The following OR2A1 variants were observed in gnomAD, a reference collection of about 807,000 sequenced individuals.
OR2A1 encodes olfactory receptor 2A1/2A42.
For synonymous variants in OR2A1, 2 were observed against 94.7 expected, an observed-to-expected ratio of 0.02 and a Z score of 5.68; for missense variants, 1 against 212.3, an observed-to-expected ratio of 0.00 and a Z score of 6.19.
rs1311974658 is a variant in OR2A1 at position 144,322,495 on chromosome 7, GAGT to G, written c.*3441_*3443del. On this transcript the variant is annotated 3_prime_UTR_variant, in exon 2 of 2. Transcript: ENST00000641044. ...GAAAAATTCTTACATCAAATATGTG[GAGT>G]AGGTACTAATACTATCCTAACATTA... 1 of 150,814 alleles carries G rather than the reference GAGT, an allele frequency of 6.6e-6. No individual in the cohort carries two copies. The highest frequency in any genetic ancestry group is 1.5e-5 in the Non-Finnish European group (1 of 67,752). The allele number at this position is 150,814 out of a possible 1,614,324, so 9.3% of individuals were successfully genotyped here. A position where few individuals can be genotyped will look rare whatever the true frequency, so the allele number is the denominator to read the frequency against.
intron 1 of OR2A1, among the ~76,000 whole-genome samples, chr7:144,316,249 T>C (rs1441855335): frequency 6.8e-6 from 1 of 146,516 alleles, no homozygotes; most frequent in Non-Finnish European, 1.5e-5. Context: ...TGCTTATAAG[T>C]ATACAATCAT....
In OR2A1 at chr7:144,322,561, T is replaced by A. The variant is rs1250190815; in HGVS notation, c.*3504T>A. 1.3e-5 allele frequency: 2 copies of A among 150,608 alleles called. No individual in the cohort carries two copies. Among genetic ancestry groups the A allele is most frequent in the Non-Finnish European group, 3.0e-5 (2 of 67,730 alleles). 9.3% of individuals were successfully genotyped at this position (150,608 alleles called of 1,614,324 possible). The stretch of plus-strand genomic sequence containing the variant: ...TAAAGTTTAGTGTAATTAATTAATT[T>A]ATTCAAGGTCGCCAAATCATTCAGT... On this transcript the variant is annotated 3_prime_UTR_variant, in exon 2 of 2. Transcript: ENST00000641044.
intron 1 of OR2A1, among the ~76,000 whole-genome samples, chr7:144,316,181 C>T (rs1173828610): frequency 6.7e-6 from 1 of 150,214 alleles, no homozygotes; most frequent in Non-Finnish European, 1.5e-5. Flanking sequence ...TATGAAGTTA[C>T]AATATTCACT....
At chr7:144,316,210 G>A (rs1203803247) in intron 1 of OR2A1, among the ~76,000 whole-genome samples, 1 of 148,714 alleles carries the variant, frequency 6.7e-6, no homozygotes, top group Non-Finnish European at 1.5e-5. Flanking sequence ...TTTGTGTCTT[G>A]CTGATAATAA....
At chr7:144,315,906 G>C (rs1469370688) in intron 1 of OR2A1, among the ~76,000 whole-genome samples, 1 of 86,322 alleles carries the variant, frequency 1.2e-5, no homozygotes, top group East Asian at 4.8e-4. Flanking sequence ...GGGAGGCTGA[G>C]GGGGAGGATC....
chr7:144,321,570 G>C lies in OR2A1; in HGVS notation c.*2513G>C, dbSNP rs1228301518. 3 of 150,962 alleles carry C rather than the reference G, an allele frequency of 2.0e-5. No homozygotes were observed. Among genetic ancestry groups the C allele is most frequent in the African/African-American group, 5.0e-5 (2 of 40,378 alleles). The allele number at this position is 150,962 out of a possible 1,614,324, so 9.4% of individuals were successfully genotyped here. A position where few individuals can be genotyped will look rare whatever the true frequency, so the allele number is the denominator to read the frequency against. ...TTAAATACACAAGGTGCGTACCGGA[G>C]GCCCTGGTTCTAGTTCCAGATGTAC... On this transcript the variant is annotated 3_prime_UTR_variant, in exon 2 of 2. Transcript: ENST00000641044.
intron 1 of OR2A1, among the ~76,000 whole-genome samples, chr7:144,316,003 AAAAT>A (rs2053072208): frequency 9.3e-6 from 1 of 107,564 alleles, no homozygotes; most frequent in African/African-American, 3.0e-5. Context: ...CCGTCTCAAA[AAAAT>A]AAATAAATAA....
intron 1 of OR2A1, among the ~76,000 whole-genome samples, chr7:144,314,496 G>A (rs1201600340): frequency 2.0e-5 from 2 of 100,322 alleles, no homozygotes; most frequent in African/African-American, 5.8e-5. Context: ...TACTTTTTTT[G>A]TTTCTGTTTT....
chr7:144,321,863 T>C lies in OR2A1; in HGVS notation c.*2806T>C, dbSNP rs1386426332. On this transcript the variant is annotated 3_prime_UTR_variant, in exon 2 of 2. Transcript: ENST00000641044. ...CTTTCTGATCTGGAACCAAAATTGCTCTTTAAACAGGAAGAGCATTGGTGC... is the reference window on the plus strand; with the variant it reads ...CTTTCTGATCTGGAACCAAAATTGCCCTTTAAACAGGAAGAGCATTGGTGC... 4 of 144,844 alleles carry C rather than the reference T, an allele frequency of 2.8e-5. No individual in the cohort carries two copies. The highest frequency in any genetic ancestry group is 6.0e-5 in the Non-Finnish European group (4 of 66,592). The allele number at this position is 144,844 out of a possible 1,614,324, so 9.0% of individuals were successfully genotyped here. A position where few individuals can be genotyped will look rare whatever the true frequency, so the allele number is the denominator to read the frequency against.
At chr7:144,312,989 G>A (rs1258529026) in intron 1 of OR2A1, among the ~76,000 whole-genome samples, 7 of 61,116 alleles carry the variant, frequency 1.1e-4, no homozygotes, top group Admixed American at 2.6e-4. Context: ...GTATAACACA[G>A]ATCATCTCAA....
Position 144,320,629 on chromosome 7 carries a change from G to C in OR2A1, c.*1572G>C, listed in dbSNP as rs2053149467. On this transcript the variant is annotated 3_prime_UTR_variant, in exon 2 of 2. Transcript: ENST00000641044. ...TCCCAGCTAATAAGTACCTAGTCCA[G>C]AATCAAACTTAGGCAATATGACTGC... 1.6e-5 allele frequency: 1 copy of C among 64,214 alleles called. No homozygotes were observed. Among genetic ancestry groups the C allele is most frequent in the Non-Finnish European group, 2.7e-5 (1 of 36,616 alleles). 4.0% of individuals were successfully genotyped at this position (64,214 alleles called of 1,614,324 possible).
rs1054732894 is a variant in OR2A1, at chr7:144,322,547, GTAAT to G, written c.*3500_*3503del. The G allele has an allele frequency of 4.0e-5, 6 of 150,654 alleles. No homozygotes were observed. Among genetic ancestry groups the G allele is most frequent in the Admixed American group, 2.6e-4 (4 of 15,202 alleles). The allele number at this position is 150,654 out of a possible 1,614,324, so 9.3% of individuals were successfully genotyped here. ...TAAAGGGGGGGAAATAAAGTTTAGT[GTAAT>G]TAATTAATTTATTCAAGGTCGCCAA... On this transcript the variant is annotated 3_prime_UTR_variant, in exon 2 of 2. Transcript: ENST00000641044.
At position 144,315,921 on chromosome 7, in the gene OR2A1, G is replaced by C. The variant is rs1180143664; in HGVS notation, c.-4-2200G>C. Among the ~76,000 whole-genome samples the C allele has an allele frequency of 2.3e-5, 2 of 86,620 alleles. 1 individual carries two copies. Among genetic ancestry groups the C allele is most frequent in the Non-Finnish European group, 5.6e-5 (2 of 35,758 alleles). 56.8% of individuals were successfully genotyped at this position (86,620 alleles called of 152,430 possible). A position where few individuals can be genotyped will look rare whatever the true frequency, so the allele number is the denominator to read the frequency against. On this transcript the variant is annotated intron_variant, in intron 1 of 1. Coordinates refer to ENST00000641044, the MANE Select transcript of OR2A1 (RefSeq NM_001005287.2). ...GGGAGGCTGAGGGGGAGGATCGCTT[G>C]AATCTGATATGTCAAAACTACAGTG...
Position 144,322,650 on chromosome 7 carries a change from A to C in OR2A1, c.*3593A>C, listed in dbSNP as rs1423501805. On this transcript the variant is annotated 3_prime_UTR_variant, in exon 2 of 2. Transcript: ENST00000641044. ...AATAAATTCTGAGCCACTCTCTTGC[A>C]GAGGACCTCCTGATATTCATCTCCT... 1.3e-5 allele frequency: 2 copies of C among 150,194 alleles called. No homozygotes were observed. Among genetic ancestry groups the C allele is most frequent in the Non-Finnish European group, 3.0e-5 (2 of 67,636 alleles). 9.3% of individuals were successfully genotyped at this position (150,194 alleles called of 1,614,324 possible).
At chr7:144,315,768 G>A (rs2053067809) in intron 1 of OR2A1, among the ~76,000 whole-genome samples, 1 of 104,350 alleles carries the variant, frequency 9.6e-6, no homozygotes. Flanking sequence ...GCCGAGGTGG[G>A]AGGAGCACTT....
chr7:144,315,867 G>T (rs2053069304), intron 1 of OR2A1, among the ~76,000 whole-genome samples: 1 of 87,280 alleles, frequency 1.1e-5, no homozygotes, highest in Non-Finnish European at 2.8e-5. Flanking sequence ...GCTAGGTATG[G>T]TGGCATGCAC....
intron 1 of OR2A1, among the ~76,000 whole-genome samples, chr7:144,316,266 C>T (rs2053077288): frequency 6.9e-6 from 1 of 145,156 alleles, no homozygotes; most frequent in South Asian, 2.2e-4. Context: ...TCATTTGTTA[C>T]CACTGGAAAA....
At chr7:144,316,302 G>T (rs1176560853) in intron 1 of OR2A1, among the ~76,000 whole-genome samples, 3 of 146,124 alleles carry the variant, frequency 2.1e-5, no homozygotes, top group African/African-American at 7.5e-5. Flanking sequence ...GTTCTTTAGG[G>T]CTCCAATTAG....
chr7:144,315,258 C>A lies in OR2A1; in HGVS notation c.-5+2711C>A. 5.7e-5 allele frequency among the ~76,000 whole-genome samples: 3 copies of A among 52,360 alleles called. 1 individual carries two copies. Among genetic ancestry groups the A allele is most frequent in the Non-Finnish European group, 1.1e-4 (3 of 27,040 alleles). 34.4% of individuals were successfully genotyped at this position (52,360 alleles called of 152,430 possible). A position where few individuals can be genotyped will look rare whatever the true frequency, so the allele number is the denominator to read the frequency against. ...GAGTTAAGTAAGATGTTCTTTGTAT[C>A]ATGTAGAATGAAAGAAACTATGGGG... On this transcript the variant is annotated intron_variant, in intron 1 of 1. Transcript: ENST00000641044.
Sources: allele counts gnomAD v4.1 joint callset (sites outside exome capture counted in the v4.1 genomes callset), GRCh38; gene constraint gnomAD v4.1.1; transcripts MANE v1.5; gene names NCBI Gene and HGNC (gene_info 2026-07-23, HGNC 2026-07-21).